GPC5: variants seen among roughly 807,000 people sequenced by gnomAD.
GPC5 encodes the protein glypican 5.
In GPC5, 47 loss-of-function variants were observed where a neutral mutation model predicts 53.9. The ratio of observed to expected loss-of-function variants is 0.87; its 90% CI spans 0.69 to 1.11. GPC5 has a LOEUF of 1.11. Ranked by LOEUF, GPC5 falls within the 50% of genes most tolerant of loss-of-function variation. The pLI, the probability that GPC5 is intolerant of heterozygous loss-of-function variation, is 0.00. For missense variants in GPC5, 748 were observed against 713.1 expected (o/e 1.05, Z -0.56); for synonymous variants, 286 against 263.3 (o/e 1.09, Z -0.84).
chr13:91,511,537 TC>T (rs1479905924), intron 2 of GPC5, among the ~76,000 whole-genome samples: 1 of 152,090 alleles, frequency 6.6e-6, no homozygotes, highest in Non-Finnish European at 1.5e-5. Context: ...CTCATCTTCC[TC>T]CCCACTCCCC....
chr13:91,806,631 A>C (rs930482198), intron 5 of GPC5, among the ~76,000 whole-genome samples: 3 of 152,188 alleles, frequency 2.0e-5, no homozygotes, highest in African/African-American at 7.2e-5. Flanking sequence ...ACAGGAAATA[A>C]ATTTCAGATA....
At chr13:92,399,818 G>A (rs1346823117) in intron 7 of GPC5, among the ~76,000 whole-genome samples, 2 of 152,158 alleles carry the variant, frequency 1.3e-5, no homozygotes, top group African/African-American at 4.8e-5. Context: ...TTATGTGCCT[G>A]TGTCTCATTT....
At chr13:91,623,961 A>C (rs924734628) in intron 2 of GPC5, among the ~76,000 whole-genome samples, 14 of 152,140 alleles carry the variant, frequency 9.2e-5, no homozygotes, top group African/African-American at 3.4e-4. Flanking sequence ...GAAATATTTA[A>C]TTACAAGTGG....
At chr13:91,410,490 C>CG (rs1877652815) in intron 1 of GPC5, among the ~76,000 whole-genome samples, 1 of 148,890 alleles carries the variant, frequency 6.7e-6, no homozygotes, top group Non-Finnish European at 1.5e-5. Context: ...GGACCACAGG[C>CG]ACCCGCCACC....
chr13:92,021,985 G>A (rs1028026059), intron 6 of GPC5, among the ~76,000 whole-genome samples: 1 of 151,768 alleles, frequency 6.6e-6, no homozygotes, highest in African/African-American at 2.4e-5. Flanking sequence ...CTTGTTTTTT[G>A]TTATTTATTT....
At chr13:92,761,134 A>T (rs1437029939) in intron 7 of GPC5, among the ~76,000 whole-genome samples, 1 of 152,134 alleles carries the variant, frequency 6.6e-6, no homozygotes, top group Non-Finnish European at 1.5e-5. Flanking sequence ...AGTTCTATAT[A>T]TATGTGTTAA....
chr13:92,042,725 GA>G (rs2138826319), intron 6 of GPC5, among the ~76,000 whole-genome samples: 1 of 152,174 alleles, frequency 6.6e-6, no homozygotes, highest in East Asian at 1.9e-4. Context: ...TCATGCGCAA[GA>G]AAAAAATCAG....
chr13:92,208,759 G>A (rs542336200), intron 7 of GPC5, among the ~76,000 whole-genome samples: 1 of 152,246 alleles, frequency 6.6e-6, no homozygotes, highest in Non-Finnish European at 1.5e-5. Context: ...AAATAGACAG[G>A]AATTCACATA....
At chr13:92,413,151 T>C (rs956887454) in intron 7 of GPC5, among the ~76,000 whole-genome samples, 2 of 152,152 alleles carry the variant, frequency 1.3e-5, no homozygotes. Flanking sequence ...AGAGCAAACC[T>C]GGTGGGTGGT....
intron 6 of GPC5, among the ~76,000 whole-genome samples, chr13:92,127,326 T>A (rs1197612516): frequency 6.6e-6 from 1 of 151,336 alleles, no homozygotes; most frequent in Non-Finnish European, 1.5e-5. Context: ...TATATGTGTA[T>A]GTGTATATAT....
intron 7 of GPC5, among the ~76,000 whole-genome samples, chr13:92,646,163 A>C (rs2139158027): frequency 6.6e-6 from 1 of 152,270 alleles, no homozygotes; most frequent in South Asian, 2.1e-4. Flanking sequence ...TGTACATGTT[A>C]CATTCAGGCC....
At chr13:92,564,021 A>C (rs377282817) in intron 7 of GPC5, among the ~76,000 whole-genome samples, 7 of 152,036 alleles carry the variant, frequency 4.6e-5, no homozygotes. Context: ...ATTATGATAC[A>C]TCCCAGTTAA....
intron 7 of GPC5, among the ~76,000 whole-genome samples, chr13:92,462,985 C>T (rs550451243): frequency 2.0e-5 from 3 of 152,146 alleles, no homozygotes; most frequent in East Asian, 1.9e-4. Flanking sequence ...ATGGCAAAGA[C>T]GAAGCACATA....
intron 2 of GPC5, among the ~76,000 whole-genome samples, chr13:91,532,498 A>T (rs917255878): frequency 1.3e-5 from 2 of 152,132 alleles, no homozygotes; most frequent in Admixed American, 1.3e-4. Flanking sequence ...TTGTTTCACA[A>T]TCTGCTTTGA....
In GPC5 at chr13:92,640,700, A is replaced by G. The variant is rs182633400; in HGVS notation, c.1562-225582A>G. Among the ~76,000 whole-genome samples, 355 of 152,308 alleles carry G rather than the reference A, an allele frequency of 2.3e-3. 2 individuals are homozygous for G. The highest frequency in any genetic ancestry group is 8.0e-3 in the African/African-American group (334 of 41,572). The stretch of plus-strand genomic sequence containing the variant: ...GCCAGAAAGAAAGGAAGTGCTCAAG[A>G]AAACAATGGGGACATGCCAAAAAGA... On this transcript the variant is annotated intron_variant, in intron 7 of 7. Coordinates refer to ENST00000377067, the MANE Select transcript of GPC5 (RefSeq NM_004466.6).
intron 6 of GPC5, among the ~76,000 whole-genome samples, chr13:92,045,728 G>A (rs1395059236): frequency 2.0e-5 from 3 of 152,138 alleles, no homozygotes; most frequent in Non-Finnish European, 4.4e-5. Flanking sequence ...AAAGTTTCAG[G>A]AGGGGCCAGG....
chr13:91,452,963 T>C (rs117624944), intron 2 of GPC5, among the ~76,000 whole-genome samples: 3,383 of 151,924 alleles, frequency 0.022, 64 homozygotes, highest in South Asian at 0.04. Context: ...AAATATATGG[T>C]GGATACTAAG....
At chr13:92,661,391 G>T (rs548897468) in intron 7 of GPC5, among the ~76,000 whole-genome samples, 1 of 151,576 alleles carries the variant, frequency 6.6e-6, no homozygotes, top group Admixed American at 6.6e-5. Flanking sequence ...AACACTCAGT[G>T]TATAAATTAT....
chr13:91,914,287 A>AT, intron 6 of GPC5, among the ~76,000 whole-genome samples: 1 of 152,286 alleles, frequency 6.6e-6, no homozygotes, highest in South Asian at 2.1e-4. Context: ...TATCACAGCA[A>AT]TTTTCTGGAT....
Sources: gnomAD v4.1 joint callset for allele counts (sites outside exome capture counted in the v4.1 genomes callset) on GRCh38, gnomAD v4.1.1 for gene constraint, MANE v1.5 for transcripts, NCBI Gene and HGNC (gene_info 2026-07-23, HGNC 2026-07-21) for gene names.